Variants in L3MBTL4 observed in about 807,000 individuals in gnomAD.
L3MBTL4 encodes L3MBTL histone methyl-lysine binding protein 4.
In L3MBTL4, 70 loss-of-function variants were observed where a neutral mutation model predicts 84.5. The ratio of observed to expected loss-of-function variants is 0.83; its 90% CI spans 0.68 to 1.01. The LOEUF is 1.01. Among genes scored for constraint, L3MBTL4 ranks in the 50% least tolerant of loss-of-function variants. The pLI is 0.00. For missense variants in L3MBTL4, 715 were observed against 754.8 expected, an observed-to-expected ratio of 0.95 and a Z score of 0.62; for synonymous variants, 274 against 259.8, an observed-to-expected ratio of 1.05 and a Z score of -0.52.
chr18:6,273,793 T>G (rs545671541), intron 4 of L3MBTL4, among the ~76,000 whole-genome samples: 1 of 152,332 alleles, frequency 6.6e-6, no homozygotes, highest in East Asian at 1.9e-4. Context: ...GGATTTTTTA[T>G]AAGATTCCAC....
intron 14 of L3MBTL4, among the ~76,000 whole-genome samples, chr18:6,113,410 A>G (rs1037951040): frequency 6.9e-6 from 1 of 145,292 alleles, no homozygotes; most frequent in Admixed American, 7.2e-5. Flanking sequence ...TATATAACAA[A>G]CCTGATAAAG....
rs1196861564 is a variant in L3MBTL4 at position 5,955,866 on chromosome 18, G to C, written c.*354C>G. On this transcript the variant is annotated 3_prime_UTR_variant, in exon 19 of 19. Transcript: ENST00000317931. ...CTGCTTTTCTAATATTTCACCACTT[G>C]AGAGTGTTATGCTTGTAAGATGGAA... The C allele has an allele frequency of 1.7e-5, 3 of 180,928 alleles. No individual in the cohort carries two copies. The highest frequency in any genetic ancestry group is 4.7e-5 in the African/African-American group (2 of 42,456). 11.2% of individuals were successfully genotyped at this position (180,928 alleles called of 1,614,324 possible). A position where few individuals can be genotyped will look rare whatever the true frequency, so the allele number is the denominator to read the frequency against.
chr18:6,381,195 T>C (rs1568580903), intron 1 of L3MBTL4, among the ~76,000 whole-genome samples: 1 of 152,242 alleles, frequency 6.6e-6, no homozygotes, highest in African/African-American at 2.4e-5. Context: ...TAAATATTAC[T>C]CCATCCCTTT....
chr18:6,347,479 T>A (rs1402521314), intron 1 of L3MBTL4, among the ~76,000 whole-genome samples: 1 of 151,578 alleles, frequency 6.6e-6, no homozygotes, highest in Non-Finnish European at 1.5e-5. Context: ...CTCATCAAGA[T>A]ATAATATATA....
chr18:6,088,636 G>A (rs2058339043), intron 15 of L3MBTL4, among the ~76,000 whole-genome samples: 3 of 152,104 alleles, frequency 2.0e-5, no homozygotes, highest in Admixed American at 2.0e-4. Flanking sequence ...GAGTGAGAAA[G>A]TGAAAGTAAG....
intron 14 of L3MBTL4, among the ~76,000 whole-genome samples, chr18:6,127,871 T>A (rs1212025844): frequency 6.6e-6 from 1 of 152,168 alleles, no homozygotes; most frequent in African/African-American, 2.4e-5. Flanking sequence ...TCACCATTGA[T>A]GGGCTCCAGC....
At chr18:6,373,336 T>A (rs2054236412) in intron 1 of L3MBTL4, among the ~76,000 whole-genome samples, 1 of 152,218 alleles carries the variant, frequency 6.6e-6, no homozygotes, top group Admixed American at 6.5e-5. Context: ...AGGTTTCAGC[T>A]ACCCTATGCA....
chr18:5,998,985 C>T (rs866463672), intron 16 of L3MBTL4, among the ~76,000 whole-genome samples: 1 of 152,176 alleles, frequency 6.6e-6, no homozygotes, highest in Non-Finnish European at 1.5e-5. Context: ...ACAAACAAAC[C>T]AGATACTCAG....
chr18:6,031,467 T>A, intron 16 of L3MBTL4: 2 of 985,486 alleles, frequency 2.0e-6, no homozygotes, highest in Non-Finnish European at 2.4e-6. Flanking sequence ...CTTGAGAAAT[T>A]CAGGGACCAT....
chr18:6,121,033 G>T (rs564656705), intron 14 of L3MBTL4, among the ~76,000 whole-genome samples: 94 of 152,138 alleles, frequency 6.2e-4, no homozygotes, highest in African/African-American at 2.1e-3. Context: ...TACTAGATAA[G>T]TGATGTTTAC....
intron 12 of L3MBTL4, among the ~76,000 whole-genome samples, chr18:6,190,302 G>T (rs1365181300): frequency 6.6e-6 from 1 of 152,196 alleles, no homozygotes; most frequent in African/African-American, 2.4e-5. Flanking sequence ...GGCTGACGAG[G>T]CTTTGAGAGA....
At chr18:6,075,999 T>C (rs1399671005) in intron 16 of L3MBTL4, among the ~76,000 whole-genome samples, 1 of 152,220 alleles carries the variant, frequency 6.6e-6, no homozygotes, top group Non-Finnish European at 1.5e-5. Flanking sequence ...TAGTAACTAC[T>C]GGGAAAGATG....
chr18:6,256,315 G>A (rs972144621), intron 5 of L3MBTL4, among the ~76,000 whole-genome samples: 2 of 152,118 alleles, frequency 1.3e-5, no homozygotes, highest in African/African-American at 4.8e-5. Context: ...TAAATTTGGG[G>A]TAGGGTGAAT....
chr18:6,284,815 C>T (rs1343081839), intron 4 of L3MBTL4, among the ~76,000 whole-genome samples: 5 of 152,224 alleles, frequency 3.3e-5, no homozygotes, highest in African/African-American at 1.2e-4. Flanking sequence ...GCGACCTTGG[C>T]CTCGAGCCCG....
chr18:6,098,735 T>C (rs1311604321), intron 14 of L3MBTL4, among the ~76,000 whole-genome samples: 1 of 152,210 alleles, frequency 6.6e-6, no homozygotes, highest in African/African-American at 2.4e-5. Context: ...GAGTATTTTA[T>C]AGTTTAGTCT....
At chr18:6,128,334 T>C (rs949157918) in intron 14 of L3MBTL4, among the ~76,000 whole-genome samples, 4 of 152,056 alleles carry the variant, frequency 2.6e-5, no homozygotes, top group African/African-American at 9.7e-5. Flanking sequence ...GAGAGTATTA[T>C]TGACAAATAA....
At chr18:6,364,981 C>CA (rs1212243254) in intron 1 of L3MBTL4, among the ~76,000 whole-genome samples, 3 of 151,248 alleles carry the variant, frequency 2.0e-5, no homozygotes, top group East Asian at 3.9e-4. Flanking sequence ...TATATTATAG[C>CA]AAAAAAAATC....
At chr18:6,159,119 C>T (rs1254914073) in intron 13 of L3MBTL4, among the ~76,000 whole-genome samples, 1 of 152,148 alleles carries the variant, frequency 6.6e-6, no homozygotes, top group African/African-American at 2.4e-5. Flanking sequence ...GGCTTTGCTG[C>T]CCTCTTCCCC....
intron 12 of L3MBTL4, among the ~76,000 whole-genome samples, chr18:6,185,137 G>A (rs2044661023): frequency 1.3e-5 from 2 of 152,154 alleles, no homozygotes; most frequent in Non-Finnish European, 2.9e-5. Context: ...AGGTCAAAAC[G>A]TCCAGCAGAC....
Sources: allele counts gnomAD v4.1 joint callset (sites outside exome capture counted in the v4.1 genomes callset), GRCh38; gene constraint gnomAD v4.1.1; transcripts MANE v1.5; gene names NCBI Gene and HGNC (gene_info 2026-07-23, HGNC 2026-07-21).